ARHGAP35: variants seen among roughly 807,000 people sequenced by gnomAD.
ARHGAP35 encodes Rho GTPase activating protein 35.
A neutral mutation model predicts 111.1 loss-of-function variants in ARHGAP35; 15 were observed. The observed-to-expected ratio is 0.13, with a 90% confidence interval of 0.09 to 0.21. The LOEUF is 0.21. Among genes scored for constraint, ARHGAP35 ranks in the 10% least tolerant of loss-of-function variants. The pLI is 1.00. For synonymous variants in ARHGAP35, 643 were observed against 710.3 expected, an observed-to-expected ratio of 0.91 and a Z score of 1.51; for missense variants, 1,262 against 1,873.0, an observed-to-expected ratio of 0.67 and a Z score of 6.02.
chr19:46,939,508 C>T (rs921724990), intron 3 of ARHGAP35, among the ~76,000 whole-genome samples: 34 of 152,052 alleles, frequency 2.2e-4, no homozygotes, highest in African/African-American at 8.0e-4. Context: ...CTCCTGGGTT[C>T]AAGCAATCCT....
Position 46,901,513 on chromosome 19 carries a change from G to A in ARHGAP35, c.-188-16975G>A, listed in dbSNP as rs1431914216. On this transcript the variant is annotated intron_variant, in intron 1 of 6. Coordinates refer to ENST00000672722, the MANE Select transcript of ARHGAP35 (RefSeq NM_004491.5). The surrounding 1 kb of genome is among the most constrained non-coding windows in gnomAD (Gnocchi z 4.5). The stretch of plus-strand genomic sequence containing the variant: ...GCAGAGGTTGCAGTGAGCCGAGATC[G>A]CGCCACTGCACTCCAGCCTGGGTGA... 2.6e-5 allele frequency among the ~76,000 whole-genome samples: 4 copies of A among 152,162 alleles called. No homozygotes were observed. Among genetic ancestry groups the A allele is most frequent in the Admixed American group, 2.0e-4 (3 of 15,282 alleles).
chr19:46,955,572 A>C (rs1381037475), intron 3 of ARHGAP35, among the ~76,000 whole-genome samples: 1 of 152,182 alleles, frequency 6.6e-6, no homozygotes, highest in Non-Finnish European at 1.5e-5. Context: ...CATAGCATGA[A>C]GGTAATTTCA....
At chr19:46,998,662 G>A (rs2056729035) in intron 5 of ARHGAP35, among the ~76,000 whole-genome samples, 1 of 152,266 alleles carries the variant, frequency 6.6e-6, no homozygotes, top group African/African-American at 2.4e-5. Context: ...CGGGTTACAA[G>A]CTGCATTCCA....
chr19:46,874,096 C>T (rs2055902942), intron 1 of ARHGAP35, among the ~76,000 whole-genome samples: 1 of 152,080 alleles, frequency 6.6e-6, no homozygotes, highest in East Asian at 1.9e-4. Context: ...GAAGTCCTGT[C>T]TATAATTAAT....
At chr19:46,959,817 C>T (rs998042579) in intron 3 of ARHGAP35, among the ~76,000 whole-genome samples, 11 of 151,996 alleles carry the variant, frequency 7.2e-5, no homozygotes, top group East Asian at 1.9e-4. Flanking sequence ...AAGCCAGGTG[C>T]GAGTGTGGTG....
At chr19:46,962,959 C>T (rs1017043425) in intron 3 of ARHGAP35, among the ~76,000 whole-genome samples, 7 of 152,144 alleles carry the variant, frequency 4.6e-5, no homozygotes, top group Non-Finnish European at 4.4e-5. Context: ...TCATCCTTCC[C>T]GTTTTGCTGC....
intron 2 of ARHGAP35, among the ~76,000 whole-genome samples, chr19:46,933,403 C>T (rs2056285146): frequency 6.6e-6 from 1 of 152,102 alleles, no homozygotes; most frequent in Non-Finnish European, 1.5e-5. Flanking sequence ...CAACCTCAGC[C>T]TCCCAAAGTG....
chr19:46,864,476 A>G (rs1306130885), intron 1 of ARHGAP35, among the ~76,000 whole-genome samples: 1 of 152,224 alleles, frequency 6.6e-6, no homozygotes, highest in African/African-American at 2.4e-5. Context: ...TACTGGAAGG[A>G]CTTTCTTAAC....
At chr19:46,909,346 C>A (rs143593227) in intron 1 of ARHGAP35, among the ~76,000 whole-genome samples, 8 of 152,122 alleles carry the variant, frequency 5.3e-5, no homozygotes, top group African/African-American at 1.9e-4. Context: ...ATTTTCAAAA[C>A]AGGCATGCGA....
chr19:46,898,647 T>C (rs1470963713), intron 1 of ARHGAP35, among the ~76,000 whole-genome samples: 1 of 152,208 alleles, frequency 6.6e-6, no homozygotes, highest in Admixed American at 6.5e-5. Flanking sequence ...GGAAGGGACT[T>C]AAATGCAAGG....
chr19:46,956,493 C>G (rs58300579), intron 3 of ARHGAP35, among the ~76,000 whole-genome samples: 35,538 of 150,594 alleles, frequency 0.24, 4,418 homozygotes, highest in Non-Finnish European at 0.28. Context: ...GGTCTCAGCT[C>G]ATTGCAACCT....
chr19:46,972,401 A>G (rs2056555465), intron 3 of ARHGAP35, among the ~76,000 whole-genome samples: 1 of 152,272 alleles, frequency 6.6e-6, no homozygotes, highest in African/African-American at 2.4e-5. Context: ...GGGACACAGC[A>G]GGACAAAAGG....
chr19:46,942,884 A>G (rs1407582394), intron 3 of ARHGAP35, among the ~76,000 whole-genome samples: 1 of 151,796 alleles, frequency 6.6e-6, no homozygotes, highest in Non-Finnish European at 1.5e-5. Flanking sequence ...TTTCACATAC[A>G]GTTCATTTTA....
intron 3 of ARHGAP35, among the ~76,000 whole-genome samples, chr19:46,963,639 T>C (rs535706298): frequency 6.6e-6 from 1 of 152,302 alleles, no homozygotes; most frequent in African/African-American, 2.4e-5. Flanking sequence ...TTTTAGCTTA[T>C]CTTTTATTAT....
At chr19:46,942,917 A>G (rs1441376408) in intron 3 of ARHGAP35, among the ~76,000 whole-genome samples, 1 of 152,124 alleles carries the variant, frequency 6.6e-6, no homozygotes, top group African/African-American at 2.4e-5. Context: ...TTGACGTAAA[A>G]CTATATGTTA....
intron 5 of ARHGAP35, among the ~76,000 whole-genome samples, chr19:46,998,865 G>C (rs1301269499): frequency 6.6e-6 from 1 of 152,264 alleles, no homozygotes; most frequent in Non-Finnish European, 1.5e-5. Flanking sequence ...TTGGTCTCAT[G>C]ACCGACTGAC....
intron 3 of ARHGAP35, among the ~76,000 whole-genome samples, chr19:46,968,717 A>G (rs1293278265): frequency 6.6e-6 from 1 of 152,230 alleles, no homozygotes; most frequent in Non-Finnish European, 1.5e-5. Flanking sequence ...GAGGTAAACT[A>G]GTCACACAAG....
At position 46,868,893 on chromosome 19, in the gene ARHGAP35, ATTTTTTTTTTTT is replaced by A. The variant is rs59080309; in HGVS notation, c.-189+7702_-189+7713del. On this transcript the variant is annotated intron_variant, in intron 1 of 6. Transcript: ENST00000672722. ...AGTTATTTAGGTGGAGCTCACCGTG[ATTTTTTTTTTTT>A]TTTTTTTTTTTTTTTTTGGTGACGT... 1.2e-4 allele frequency among the ~76,000 whole-genome samples: 7 copies of A among 58,668 alleles called. No homozygotes were observed. The South Asian group carries it at 2.9e-3, about 24-fold the overall frequency. 38.5% of individuals were successfully genotyped at this position (58,668 alleles called of 152,430 possible). A position where few individuals can be genotyped will look rare whatever the true frequency, so the allele number is the denominator to read the frequency against.
At chr19:46,940,157 C>T (rs899899472) in intron 3 of ARHGAP35, among the ~76,000 whole-genome samples, 1 of 151,822 alleles carries the variant, frequency 6.6e-6, no homozygotes, top group Non-Finnish European at 1.5e-5. Flanking sequence ...ATCAGGAATT[C>T]GATACCAGCC....
Sources: gnomAD v4.1 joint callset for allele counts (sites outside exome capture counted in the v4.1 genomes callset) on GRCh38, gnomAD v4.1.1 for gene constraint, Gnocchi (gnomAD v3.1) non-coding constraint, MANE v1.5 for transcripts, NCBI Gene and HGNC (gene_info 2026-07-23, HGNC 2026-07-21) for gene names.